Variants in DCDC1 observed in about 807,000 individuals in gnomAD.
DCDC1 encodes doublecortin domain containing 1.
A neutral mutation model predicts 178.3 loss-of-function variants in DCDC1; 200 were observed. The observed-to-expected ratio is 1.12, with a 90% CI of 1.00 to 1.26. The LOEUF (loss-of-function observed/expected upper bound fraction) is 1.26. Ranked by LOEUF, DCDC1 falls within the 50% of genes most tolerant of loss-of-function variation. The pLI, the probability that DCDC1 is intolerant of heterozygous loss-of-function variation, is 0.00. For missense variants in DCDC1, 1,983 were observed against 1,749.2 expected, an observed-to-expected ratio of 1.13 and a Z score of -2.38; for synonymous variants, 690 against 604.8, an observed-to-expected ratio of 1.14 and a Z score of -2.07.
chr11:31,249,821 AAAG>A (rs1301610122), intron 8 of DCDC1, among the ~76,000 whole-genome samples: 4 of 152,182 alleles, frequency 2.6e-5, no homozygotes, highest in African/African-American at 9.6e-5. Flanking sequence ...ACTTAAATTT[AAAG>A]AAGAAACTTT....
At chr11:31,200,203 T>C (rs1387338940) in intron 9 of DCDC1, among the ~76,000 whole-genome samples, 3 of 152,186 alleles carry the variant, frequency 2.0e-5, no homozygotes, top group Middle Eastern at 3.4e-3. Context: ...TATCTGTAAT[T>C]TATAATACAA....
chr11:30,912,150 T>C lies in DCDC1; in HGVS notation c.3654-730A>G, dbSNP rs186041501. 2.6e-5 allele frequency among the ~76,000 whole-genome samples: 4 copies of C among 152,274 alleles called. No individual in the cohort carries two copies. The East Asian group carries it at 7.7e-4, about 29-fold the overall frequency. On this transcript the variant is annotated intron_variant, in intron 27 of 38. Coordinates refer to ENST00000684477, the MANE Select transcript of DCDC1 (RefSeq NM_001387274.1). ...CTGTGCCATATGATGACCTGTGCCATCTCAGGGCTCTAGAGAGCCCCCAGC... is the reference window on the plus strand; with the variant it reads ...CTGTGCCATATGATGACCTGTGCCACCTCAGGGCTCTAGAGAGCCCCCAGC...
intron 11 of DCDC1, among the ~76,000 whole-genome samples, chr11:31,111,452 C>T (rs78810364): frequency 1.3e-5 from 2 of 152,034 alleles, no homozygotes; most frequent in Admixed American, 6.6e-5. Context: ...TCAAAAATTG[C>T]AGGTTTCATT....
chr11:30,953,239 T>C (rs1948539062), intron 20 of DCDC1, among the ~76,000 whole-genome samples: 1 of 148,752 alleles, frequency 6.7e-6, no homozygotes, highest in Non-Finnish European at 1.5e-5. Flanking sequence ...CCACATATTA[T>C]ATTAATTATA....
chr11:31,075,652 C>T (rs1171952212), intron 18 of DCDC1, among the ~76,000 whole-genome samples: 2 of 152,174 alleles, frequency 1.3e-5, no homozygotes, highest in Non-Finnish European at 2.9e-5. Context: ...TGATGTTAAG[C>T]ATTTTTTATA....
At chr11:31,076,267 T>C (rs1039322930) in intron 18 of DCDC1, among the ~76,000 whole-genome samples, 1 of 152,214 alleles carries the variant, frequency 6.6e-6, no homozygotes, top group Non-Finnish European at 1.5e-5. Flanking sequence ...ATCTAGTCTA[T>C]TGTTGAAGCT....
rs181233407 is a variant in DCDC1 at position 31,307,525 on chromosome 11, G to A, written c.434+114C>T. On this transcript the variant is annotated intron_variant, in intron 4 of 38. Coordinates refer to ENST00000684477, the MANE Select transcript of DCDC1 (RefSeq NM_001387274.1). ...AAAAACAAAAACAAAAACAAAACCCGAGAGATGTGTTACATTTTAATGTCT... is the reference window on the plus strand; with the variant it reads ...AAAAACAAAAACAAAAACAAAACCCAAGAGATGTGTTACATTTTAATGTCT... The A allele has an allele frequency of 7.3e-4, 1,010 of 1,390,702 alleles. 4 individuals are homozygous for A. The African/African-American group carries it at 9.9e-3, about 14-fold the overall frequency. The allele number at this position is 1,390,702 out of a possible 1,614,324, so 86.1% of individuals were successfully genotyped here.
At chr11:31,235,226 T>C (rs543711830) in intron 9 of DCDC1, among the ~76,000 whole-genome samples, 2 of 152,204 alleles carry the variant, frequency 1.3e-5, no homozygotes, top group Admixed American at 1.3e-4. Flanking sequence ...TTTCCATTTT[T>C]TACAATTATG....
intron 20 of DCDC1, among the ~76,000 whole-genome samples, chr11:31,035,835 T>C (rs1169437277): frequency 6.6e-6 from 1 of 152,258 alleles, no homozygotes; most frequent in Non-Finnish European, 1.5e-5. Context: ...TCCTTCTACA[T>C]TTATAACTGG....
chr11:31,202,128 A>T (rs1971356389), intron 9 of DCDC1, among the ~76,000 whole-genome samples: 1 of 152,208 alleles, frequency 6.6e-6, no homozygotes, highest in African/African-American at 2.4e-5. Context: ...CCATGAAAAA[A>T]TACAAGAAGC....
At chr11:30,986,877 T>C (rs553649328) in intron 20 of DCDC1, among the ~76,000 whole-genome samples, 6 of 152,294 alleles carry the variant, frequency 3.9e-5, no homozygotes, top group South Asian at 2.1e-4. Flanking sequence ...CGTGAACTCA[T>C]TGCACTAAAC....
At chr11:31,016,967 G>C (rs1411935762) in intron 20 of DCDC1, among the ~76,000 whole-genome samples, 1 of 152,092 alleles carries the variant, frequency 6.6e-6, no homozygotes, top group Non-Finnish European at 1.5e-5. Flanking sequence ...GTAAAACTTA[G>C]ACTTTATACT....
intron 9 of DCDC1, among the ~76,000 whole-genome samples, chr11:31,226,073 G>A (rs891942763): frequency 5.3e-5 from 8 of 152,042 alleles, no homozygotes; most frequent in Admixed American, 1.3e-4. Flanking sequence ...AGGAATGTAA[G>A]AGGAAAGATA....
At chr11:31,068,109 A>G (rs938845025) in intron 18 of DCDC1, among the ~76,000 whole-genome samples, 1 of 152,152 alleles carries the variant, frequency 6.6e-6, no homozygotes, top group African/African-American at 2.4e-5. Context: ...GAAAAAGAAG[A>G]GAAAAGGGAT....
intron 2 of DCDC1, among the ~76,000 whole-genome samples, chr11:31,334,506 A>T (rs531555461): frequency 6.6e-6 from 1 of 152,120 alleles, no homozygotes; most frequent in Non-Finnish European, 1.5e-5. Flanking sequence ...GTTTCCCTCC[A>T]TCTTTGTGGT....
chr11:31,291,773 A>G (rs1947246171), intron 6 of DCDC1, among the ~76,000 whole-genome samples: 2 of 152,106 alleles, frequency 1.3e-5, no homozygotes, highest in Non-Finnish European at 2.9e-5. Flanking sequence ...TTATTTATAG[A>G]TAACTGAAAA....
chr11:31,179,535 A>G (rs780197892), intron 9 of DCDC1, among the ~76,000 whole-genome samples: 1 of 152,198 alleles, frequency 6.6e-6, no homozygotes, highest in Admixed American at 6.5e-5. Context: ...AATGTGAATG[A>G]ATCTAGACAT....
intron 9 of DCDC1, among the ~76,000 whole-genome samples, chr11:31,223,214 C>A (rs1005144789): frequency 6.6e-6 from 1 of 151,990 alleles, no homozygotes; most frequent in African/African-American, 2.4e-5. Context: ...AATTATATTA[C>A]AATAGGAGAA....
chr11:31,198,230 AT>A (rs1970905419), intron 9 of DCDC1, among the ~76,000 whole-genome samples: 1 of 151,918 alleles, frequency 6.6e-6, no homozygotes, highest in African/African-American at 2.4e-5. Flanking sequence ...TACCACTTCA[AT>A]TTTAGCTAGT....
Sources: gnomAD v4.1 joint callset for allele counts (sites outside exome capture counted in the v4.1 genomes callset) on GRCh38, gnomAD v4.1.1 for gene constraint, MANE v1.5 for transcripts, NCBI Gene and HGNC (gene_info 2026-07-23, HGNC 2026-07-21) for gene names.